Variants in TDRD5 observed in about 807,000 individuals in gnomAD.
TDRD5 encodes the protein tudor domain-containing protein 5.
In TDRD5, 41 loss-of-function variants were observed where a neutral mutation model predicts 120.6. The ratio of observed to expected loss-of-function variants is 0.34; its 90% CI spans 0.26 to 0.44. TDRD5 has a LOEUF of 0.44. TDRD5 is among the 20% of genes least tolerant of loss of function. The probability of loss-of-function intolerance (pLI) is 1.00; values close to 1 mark genes in which losing one functional copy is unlikely to be tolerated. For missense variants in TDRD5, 1,006 were observed against 1,221.2 expected, an observed-to-expected ratio of 0.82 and a Z score of 2.63; for synonymous variants, 430 against 433.7, an observed-to-expected ratio of 0.99 and a Z score of 0.11.
chr1:179,611,101 A>G (rs1292700098), intron 4 of TDRD5, among the ~76,000 whole-genome samples: 1 of 151,490 alleles, frequency 6.6e-6, no homozygotes, highest in Non-Finnish European at 1.5e-5. Flanking sequence ...TCTGTCACCC[A>G]GACTGGAATG....
intron 16 of TDRD5, among the ~76,000 whole-genome samples, chr1:179,665,511 G>C (rs1392047499): frequency 1.3e-5 from 2 of 152,160 alleles, no homozygotes; most frequent in Non-Finnish European, 2.9e-5. Flanking sequence ...CTTTCCCCAT[G>C]AATTGTCTTG....
chr1:179,620,954 GTTAT>G lies in TDRD5; in HGVS notation c.916-78_916-75del, dbSNP rs1676810264. 1.4e-5 allele frequency: 16 copies of G among 1,130,782 alleles called. No homozygotes were observed. The East Asian group carries it at 3.9e-4, about 28-fold the overall frequency. The allele number at this position is 1,130,782 out of a possible 1,614,324, so 70.0% of individuals were successfully genotyped here. Reference sequence around the variant, plus strand: ...TAATAATGTTACTTTTGCCTTTGTTGTTATTTGTTTATATTATTTTAATATTGTG... The same window carrying G: ...TAATAATGTTACTTTTGCCTTTGTTGTTGTTTATATTATTTTAATATTGTG... On this transcript the variant is annotated intron_variant, in intron 5 of 17. Coordinates refer to ENST00000444136, the MANE Select transcript of TDRD5 (RefSeq NM_001199085.3).
intron 4 of TDRD5, among the ~76,000 whole-genome samples, chr1:179,604,113 A>G (rs907256067): frequency 6.6e-6 from 1 of 151,488 alleles, no homozygotes; most frequent in Non-Finnish European, 1.5e-5. Context: ...GGCAGGTTGT[A>G]TTTTTCCAGG....
intron 4 of TDRD5, among the ~76,000 whole-genome samples, chr1:179,614,815 T>C (rs1676479194): frequency 6.6e-6 from 1 of 152,178 alleles, no homozygotes; most frequent in African/African-American, 2.4e-5. Context: ...GATGTTTCGA[T>C]GTATGTATAC....
At position 179,618,674 on chromosome 1, in the gene TDRD5, A is replaced by G; in HGVS notation, c.907A>G (p.Ile303Val). ...TATCAGTTCAGAACTAAAACATAAG[A>G]TAAAATTTGTAAGTAATTTCTGTTT... is the stretch of plus-strand genomic sequence containing the variant. ...GTISSELKHK[I>V]KFVVSKFPEG... The change falls in exon 5 of 18, where the codon ATA (isoleucine) becomes GTA (valine). Residue 303 changes from isoleucine (I) to valine (V), a missense_variant. Transcript: ENST00000444136. 1 of 1,577,320 alleles carries G rather than the reference A, an allele frequency of 6.3e-7. No homozygotes were observed. The highest frequency in any genetic ancestry group is 8.6e-7 in the Non-Finnish European group (1 of 1,165,946).
chr1:179,604,175 T>C (rs887785880), intron 4 of TDRD5, among the ~76,000 whole-genome samples: 5 of 152,292 alleles, frequency 3.3e-5, no homozygotes, highest in African/African-American at 1.2e-4. Flanking sequence ...AAGGTGTTTG[T>C]AGTAGCCTTG....
intron 17 of TDRD5, among the ~76,000 whole-genome samples, chr1:179,677,491 G>A (rs114570324): frequency 0.019 from 2,945 of 152,204 alleles, 75 homozygotes; most frequent in African/African-American, 0.066. Context: ...TATATAAGAG[G>A]GGAGATCTGG....
intron 4 of TDRD5, among the ~76,000 whole-genome samples, chr1:179,614,249 G>A (rs1165732716): frequency 6.6e-6 from 1 of 151,972 alleles, no homozygotes; most frequent in African/African-American, 2.4e-5. Flanking sequence ...TTCCTCTTAT[G>A]CATTGCGAAT....
At chr1:179,649,664 T>G (rs778052490) in intron 11 of TDRD5, among the ~76,000 whole-genome samples, 3 of 152,218 alleles carry the variant, frequency 2.0e-5, no homozygotes, top group Non-Finnish European at 2.9e-5. Flanking sequence ...ATAGTAAGTT[T>G]AGTTGTTTTA....
chr1:179,660,957 C>G (rs2102096150), intron 14 of TDRD5, among the ~76,000 whole-genome samples: 1 of 152,198 alleles, frequency 6.6e-6, no homozygotes, highest in South Asian at 2.1e-4. Context: ...ATATAGAAAC[C>G]TGGGTTCCCA....
intron 4 of TDRD5, among the ~76,000 whole-genome samples, chr1:179,600,866 G>GT (rs1675666819): frequency 6.6e-6 from 1 of 151,952 alleles, no homozygotes; most frequent in African/African-American, 2.4e-5. Flanking sequence ...CTCCCTTTTG[G>GT]TTTTTTCTTT....
At position 179,603,454 on chromosome 1, in the gene TDRD5, C is replaced by T. The variant is rs181398661; in HGVS notation, c.831+7636C>T. On this transcript the variant is annotated intron_variant, in intron 4 of 17. Coordinates refer to ENST00000444136, the MANE Select transcript of TDRD5 (RefSeq NM_001199085.3). The stretch of plus-strand genomic sequence containing the variant: ...GAGAGTGGGCATCTTTGTCATCTTC[C>T]AGCTCTCAGAGGGAATGCTTTCAAC... 3.9e-3 allele frequency among the ~76,000 whole-genome samples: 600 copies of T among 152,242 alleles called. 8 individuals are homozygous for T. Among genetic ancestry groups the T allele is most frequent in the African/African-American group, 0.014 (586 of 41,532 alleles).
chr1:179,616,845 C>G (rs966271722), intron 4 of TDRD5, among the ~76,000 whole-genome samples: 13 of 152,090 alleles, frequency 8.5e-5, no homozygotes, highest in Non-Finnish European at 1.8e-4. Flanking sequence ...ATCTCACTTC[C>G]CTACTTAATT....
chr1:179,669,401 T>C lies in TDRD5; in HGVS notation c.2857T>C (p.Ser953Pro). 6.2e-7 allele frequency: 1 copy of C among 1,613,944 alleles called. No homozygotes were observed. The highest frequency in any genetic ancestry group is 8.5e-7 in the Non-Finnish European group (1 of 1,179,902). ...VDDSAEKPSGSVESSPEILKN... is the reference protein window; with the variant it reads ...VDDSAEKPSGPVESSPEILKN... ...TGATTCCGCAGAAAAGCCCTCTGGT[T>C]CTGGTATGTTTGTGTGTACTTGTGC... Residue 953 changes from serine to proline, a missense_variant, in exon 17 of 18, where the codon TCT becomes CCT. Ser to Pro is a moderately conservative substitution (Grantham distance 74, BLOSUM62 -1). Transcript: ENST00000444136.
At chr1:179,655,542 A>G (rs1233780526) in intron 14 of TDRD5, among the ~76,000 whole-genome samples, 3 of 150,370 alleles carry the variant, frequency 2.0e-5, no homozygotes, top group Non-Finnish European at 3.0e-5. Context: ...CAACACTGCA[A>G]TTGGGATGCA....
At chr1:179,647,951 G>A (rs1192376954) in intron 11 of TDRD5, among the ~76,000 whole-genome samples, 1 of 151,766 alleles carries the variant, frequency 6.6e-6, no homozygotes, top group Admixed American at 6.6e-5. Flanking sequence ...GAAACAACAG[G>A]TGCTGGAGAG....
At chr1:179,678,406 C>G (rs548219983) in intron 17 of TDRD5, among the ~76,000 whole-genome samples, 1 of 152,280 alleles carries the variant, frequency 6.6e-6, no homozygotes, top group South Asian at 2.1e-4. Flanking sequence ...GATCCAGTTT[C>G]TTCAAAGGGT....
intron 14 of TDRD5, among the ~76,000 whole-genome samples, chr1:179,657,964 T>C (rs1435623987): frequency 2.0e-5 from 3 of 152,170 alleles, no homozygotes; most frequent in African/African-American, 7.2e-5. Context: ...ACTCCTCCTG[T>C]CTACTGAAAT....
intron 17 of TDRD5, among the ~76,000 whole-genome samples, chr1:179,684,065 T>C (rs966544777): frequency 4.6e-5 from 7 of 152,318 alleles, no homozygotes; most frequent in Non-Finnish European, 8.8e-5. Flanking sequence ...TTTTTTATTA[T>C]ACTTTAAGTT....
Sources: gnomAD v4.1 joint callset for allele counts (sites outside exome capture counted in the v4.1 genomes callset) on GRCh38, gnomAD v4.1.1 for gene constraint, MANE v1.5 for transcripts, NCBI Gene and HGNC (gene_info 2026-07-23, HGNC 2026-07-21) for gene names.